RAPGEF5: variants seen among roughly 807,000 people sequenced by gnomAD.
The protein encoded by RAPGEF5 is Rap guanine nucleotide exchange factor 5, also known as M-Ras-regulated GEF.
A neutral mutation model predicts 125.2 loss-of-function variants in RAPGEF5; 65 were observed. The ratio of observed to expected loss-of-function variants is 0.52; its 90% confidence interval spans 0.43 to 0.64. The LOEUF is 0.64. RAPGEF5 is among the 30% of genes least tolerant of loss of function. The pLI, the probability that RAPGEF5 is intolerant of heterozygous loss-of-function variation, is 0.00. For missense variants in RAPGEF5, 958 were observed against 1,048.1 expected (o/e 0.91, Z 1.19); for synonymous variants, 391 against 385.9 (o/e 1.01, Z -0.16).
intron 24 of RAPGEF5, among the ~76,000 whole-genome samples, chr7:22,129,611 A>G (rs1301574235): frequency 3.9e-5 from 6 of 152,234 alleles, no homozygotes. Flanking sequence ...CAGCAACACA[A>G]AACACGTACA....
intron 23 of RAPGEF5, 54 bp downstream of exon 23, chr7:22,135,984 T>A: frequency 7.0e-7 from 1 of 1,422,356 alleles, no homozygotes; most frequent in Non-Finnish European, 9.7e-7. Flanking sequence ...ATAGTTACAG[T>A]AATAAATTTC....
intron 9 of RAPGEF5, among the ~76,000 whole-genome samples, chr7:22,218,093 T>A (rs1785684582): frequency 6.6e-6 from 1 of 152,082 alleles, no homozygotes; most frequent in African/African-American, 2.4e-5. Flanking sequence ...ATTAGGTATA[T>A]CTCCTAATGC....
chr7:22,297,723 T>G (rs1291126830), intron 5 of RAPGEF5, among the ~76,000 whole-genome samples: 1 of 152,248 alleles, frequency 6.6e-6, no homozygotes, highest in African/African-American at 2.4e-5. Flanking sequence ...CAAGGAGAGA[T>G]GGCTTTATGT....
At chr7:22,185,206 G>A (rs1784792560) in intron 11 of RAPGEF5, among the ~76,000 whole-genome samples, 1 of 152,160 alleles carries the variant, frequency 6.6e-6, no homozygotes, top group Non-Finnish European at 1.5e-5. Flanking sequence ...TCAAATGGTG[G>A]CTCAATCACT....
At chr7:22,308,290 A>G in intron 5 of RAPGEF5, 49 bp downstream of exon 5, 5 of 1,499,158 alleles carry the variant, frequency 3.3e-6, no homozygotes, top group Non-Finnish European at 3.6e-6. Context: ...GACATGGTAA[A>G]TGTTGTCTAA....
At position 22,121,159 on chromosome 7, in the gene RAPGEF5, C is replaced by T. The variant is rs993076102; in HGVS notation, c.*1247G>A. 1 of 141,790 alleles carries T rather than the reference C, an allele frequency of 7.1e-6. No individual in the cohort carries two copies. Among genetic ancestry groups the T allele is most frequent in the African/African-American group, 2.6e-5 (1 of 37,808 alleles). The allele number at this position is 141,790 out of a possible 1,614,324, so 8.8% of individuals were successfully genotyped here. On this transcript the variant is annotated 3_prime_UTR_variant, in exon 26 of 26. Transcript: ENST00000665637. Reference sequence around the variant, plus strand: ...CCAGTCCTTGAAAATATCAAGAGGTCTTATTTGCTACAGGAGCCTCAATTG... The same window carrying T: ...CCAGTCCTTGAAAATATCAAGAGGTTTTATTTGCTACAGGAGCCTCAATTG...
intron 1 of RAPGEF5, among the ~76,000 whole-genome samples, chr7:22,325,604 C>T (rs534214424): frequency 2.3e-4 from 35 of 152,180 alleles, no homozygotes; most frequent in Non-Finnish European, 4.1e-4. Context: ...CTTGCTCTGT[C>T]TCCCAGGCTG....
chr7:22,328,909 C>G (rs1013139642), intron 1 of RAPGEF5, among the ~76,000 whole-genome samples: 10 of 152,216 alleles, frequency 6.6e-5, no homozygotes, highest in Admixed American at 6.5e-4. Context: ...CAGACTGAAG[C>G]AACCTGATTG....
At chr7:22,318,918 T>G (rs1783658520) in intron 1 of RAPGEF5, among the ~76,000 whole-genome samples, 1 of 150,974 alleles carries the variant, frequency 6.6e-6, no homozygotes, top group African/African-American at 2.4e-5. Flanking sequence ...GAGGGAGGGC[T>G]GGCAGCTTAT....
intron 7 of RAPGEF5, among the ~76,000 whole-genome samples, chr7:22,253,501 T>C (rs1354548157): frequency 1.3e-5 from 2 of 152,138 alleles, no homozygotes; most frequent in Admixed American, 6.6e-5. Flanking sequence ...TGGTTGAAAA[T>C]ACCACCAAAA....
At chr7:22,254,804 G>T (rs1055895428) in intron 7 of RAPGEF5, among the ~76,000 whole-genome samples, 32 of 151,916 alleles carry the variant, frequency 2.1e-4, no homozygotes, top group African/African-American at 7.5e-4. Flanking sequence ...TAAGGAGCAC[G>T]CAACCTAGAT....
Position 22,357,112 on chromosome 7 carries a change from G to T in RAPGEF5, c.-52C>A. The T allele has an allele frequency of 1.0e-6, 1 of 955,938 alleles. No homozygotes were observed. The highest frequency in any genetic ancestry group is 1.3e-6 in the Non-Finnish European group (1 of 796,366). The allele number at this position is 955,938 out of a possible 1,614,324, so 59.2% of individuals were successfully genotyped here. On this transcript the variant is annotated 5_prime_UTR_variant, in exon 1 of 26. Transcript: ENST00000665637. ...GCTCCTCTCCACCGCGCTCGCCTCC[G>T]CGCGCCGTCCGCGCCTTCGCCAGGA... is the stretch of plus-strand genomic sequence containing the variant.
intron 1 of RAPGEF5, among the ~76,000 whole-genome samples, chr7:22,354,989 T>C (rs900504047): frequency 2.0e-5 from 3 of 152,186 alleles, no homozygotes; most frequent in Admixed American, 2.0e-4. Flanking sequence ...ATGGGGAAGA[T>C]TCCAAAATCA....
chr7:22,312,839 T>C (rs1056490291), intron 3 of RAPGEF5, among the ~76,000 whole-genome samples: 2 of 152,180 alleles, frequency 1.3e-5, no homozygotes, highest in East Asian at 1.9e-4. Flanking sequence ...CACCAAAGCA[T>C]ACAAAATGAG....
chr7:22,323,855 G>A lies in RAPGEF5; in HGVS notation c.232-5818C>T, dbSNP rs183184492. 1.4e-4 allele frequency among the ~76,000 whole-genome samples: 21 copies of A among 152,268 alleles called. 1 individual carries two copies. The East Asian group carries it at 4.0e-3, about 29-fold the overall frequency. On this transcript the variant is annotated intron_variant, in intron 1 of 25. Transcript: ENST00000665637. ...TAAATAAATGAGGATCAGGAAGAAA[G>A]GACAGCCCTTCCTCATGGGATTATT...
At chr7:22,168,725 A>G (rs1583439729) in intron 11 of RAPGEF5, among the ~76,000 whole-genome samples, 1 of 152,206 alleles carries the variant, frequency 6.6e-6, no homozygotes, top group East Asian at 1.9e-4. Context: ...CTACAGTTCT[A>G]TATTAGCTGC....
At chr7:22,265,545 A>G (rs1782261788) in intron 7 of RAPGEF5, among the ~76,000 whole-genome samples, 1 of 152,198 alleles carries the variant, frequency 6.6e-6, no homozygotes, top group East Asian at 1.9e-4. Flanking sequence ...TATTGTGAAC[A>G]GCGCTGCAAT....
At chr7:22,262,037 TC>T (rs1411246357) in intron 7 of RAPGEF5, among the ~76,000 whole-genome samples, 3 of 152,120 alleles carry the variant, frequency 2.0e-5, no homozygotes, top group African/African-American at 7.2e-5. Flanking sequence ...ATTAAAAGAC[TC>T]ATTAAAAATT....
intron 5 of RAPGEF5, among the ~76,000 whole-genome samples, chr7:22,291,467 T>C (rs1280950783): frequency 2.6e-5 from 4 of 152,156 alleles, no homozygotes; most frequent in African/African-American, 7.2e-5. Context: ...ATGCACCAAT[T>C]GAATCCTGAC....
Sources: gnomAD v4.1 joint callset for allele counts (sites outside exome capture counted in the v4.1 genomes callset) on GRCh38, gnomAD v4.1.1 for gene constraint, MANE v1.5 for transcripts, NCBI Gene and HGNC (gene_info 2026-07-23, HGNC 2026-07-21) for gene names.